The following FAM168B variants were observed in gnomAD, a reference collection of about 807,000 sequenced individuals.
FAM168B encodes the protein myelin-associated neurite-outgrowth inhibitor.
In FAM168B, 19 loss-of-function variants were observed where a neutral mutation model predicts 21.8. The observed-to-expected ratio is 0.87, with a 90% CI of 0.61 to 1.28. FAM168B has a LOEUF of 1.28. Ranked by LOEUF, FAM168B falls within the 50% of genes most tolerant of loss-of-function variation. The probability of loss-of-function intolerance (pLI) is 0.00; values close to 1 mark genes in which losing one functional copy is unlikely to be tolerated. For missense variants in FAM168B, 233 were observed against 263.1 expected (o/e 0.89, Z 0.79); for synonymous variants, 126 against 104.8 (o/e 1.20, Z -1.24).
At chr2:131,059,040 A>C (rs545214030) in intron 3 of FAM168B, among the ~76,000 whole-genome samples, 18 of 152,288 alleles carry the variant, frequency 1.2e-4, no homozygotes, top group African/African-American at 4.3e-4. Flanking sequence ...CAGGGAAGAA[A>C]TGCAAAAAGG....
chr2:131,066,190 G>A (rs1458959844), intron 3 of FAM168B, among the ~76,000 whole-genome samples: 2 of 149,350 alleles, frequency 1.3e-5, no homozygotes, highest in Non-Finnish European at 3.0e-5. Flanking sequence ...AGACTGAGTG[G>A]AGTCTCGCTC....
intron 3 of FAM168B, among the ~76,000 whole-genome samples, chr2:131,057,088 GAGC>G (rs897426672): frequency 3.3e-5 from 5 of 152,162 alleles, no homozygotes; most frequent in Non-Finnish European, 5.9e-5. Flanking sequence ...CCATGGGTGA[GAGC>G]AGGAGGGGTG....
intron 2 of FAM168B, among the ~76,000 whole-genome samples, chr2:131,077,037 A>G (rs1693190159): frequency 6.6e-6 from 1 of 152,040 alleles, no homozygotes; most frequent in South Asian, 2.1e-4. Context: ...CAGCAACCCC[A>G]GCTCTAGGAA....
Position 131,051,057 on chromosome 2 carries a change from TC to T in FAM168B, c.*1407del. Reference sequence around the variant, plus strand: ...TTCAGATCCTAAACTCAAATTCCTCTCCCACAATAAACCCTGCCAGCAAACG... The same window carrying T: ...TTCAGATCCTAAACTCAAATTCCTCTCCACAATAAACCCTGCCAGCAAACG... On this transcript the variant is annotated 3_prime_UTR_variant, in exon 7 of 7. Transcript: ENST00000389915. The T allele has an allele frequency of 1.0e-6, 1 of 985,370 alleles. No individual in the cohort carries two copies. The highest frequency in any genetic ancestry group is 1.2e-6 in the Non-Finnish European group (1 of 829,968). The allele number at this position is 985,370 out of a possible 1,614,324, so 61.0% of individuals were successfully genotyped here. A position where few individuals can be genotyped will look rare whatever the true frequency, so the allele number is the denominator to read the frequency against.
rs1692541344 is a variant in FAM168B at position 131,066,059 on chromosome 2, GC to G, written c.154+5795del. On this transcript the variant is annotated intron_variant, in intron 3 of 6. Coordinates refer to ENST00000389915, the MANE Select transcript of FAM168B (RefSeq NM_001009993.4). ...AGCTTCTAACATACACTACCAAACTGCCCTCCAAAGAAGTTTCTCCAATTTA... is the reference window on the plus strand; with the variant it reads ...AGCTTCTAACATACACTACCAAACTGCCTCCAAAGAAGTTTCTCCAATTTA... Among the ~76,000 whole-genome samples the G allele has an allele frequency of 2.6e-5, 4 of 151,738 alleles. No homozygotes were observed. The South Asian group carries it at 8.3e-4, about 31-fold the overall frequency.
chr2:131,073,031 A>AT (rs1259707369), intron 2 of FAM168B, among the ~76,000 whole-genome samples: 1 of 152,042 alleles, frequency 6.6e-6, no homozygotes, highest in Non-Finnish European at 1.5e-5. Context: ...AAAAGCTATT[A>AT]TTTTTTGTTG....
chr2:131,048,417 C>T lies in FAM168B; in HGVS notation c.*4048G>A, dbSNP rs878860041. The T allele has an allele frequency of 8.0e-7, 1 of 1,244,090 alleles. No homozygotes were observed. The highest frequency in any genetic ancestry group is 1.6e-5 in the African/African-American group (1 of 64,504). The allele number at this position is 1,244,090 out of a possible 1,614,324, so 77.1% of individuals were successfully genotyped here. A position where few individuals can be genotyped will look rare whatever the true frequency, so the allele number is the denominator to read the frequency against. On this transcript the variant is annotated 3_prime_UTR_variant, in exon 7 of 7. Coordinates refer to ENST00000389915, the MANE Select transcript of FAM168B (RefSeq NM_001009993.4). ...CCCTTCTGCAGGCCCGGGGGGGGGT[C>T]CCTACACAGACGCCGCTCATCCTCT...
At chr2:131,080,802 T>G (rs949691270) in intron 2 of FAM168B, among the ~76,000 whole-genome samples, 10 of 151,574 alleles carry the variant, frequency 6.6e-5, no homozygotes, top group Admixed American at 5.9e-4. Flanking sequence ...CCTAAGTAGC[T>G]GGAGATACAG....
chr2:131,089,541 G>C (rs1405577924), intron 1 of FAM168B, among the ~76,000 whole-genome samples: 1 of 149,102 alleles, frequency 6.7e-6, no homozygotes, highest in Non-Finnish European at 1.5e-5. Context: ...GACCATCCTG[G>C]CTAACACGGT....
At chr2:131,091,158 A>C (rs1693999588) in intron 1 of FAM168B, among the ~76,000 whole-genome samples, 1 of 152,104 alleles carries the variant, frequency 6.6e-6, no homozygotes, top group Non-Finnish European at 1.5e-5. Flanking sequence ...ACATAGTGAG[A>C]TGAGACCCCA....
chr2:131,056,355 G>A (rs1037433139), intron 3 of FAM168B, among the ~76,000 whole-genome samples: 3 of 152,222 alleles, frequency 2.0e-5, no homozygotes, highest in Admixed American at 6.5e-5. Flanking sequence ...AGAGAAGACA[G>A]CATGTTGAAG....
chr2:131,054,654 G>A (rs1046738873), intron 5 of FAM168B, among the ~76,000 whole-genome samples: 4 of 152,184 alleles, frequency 2.6e-5, no homozygotes, highest in Non-Finnish European at 5.9e-5. Context: ...AATCCACATG[G>A]GTGGTCATAC....
chr2:131,072,749 G>A lies in FAM168B; in HGVS notation c.71-811C>T, dbSNP rs111688902. ...TGGGATTACAGGCATAAGCCACCGC[G>A]CCAAGCCTCAATTATAACATTTCTG... On this transcript the variant is annotated intron_variant, in intron 2 of 6. Transcript: ENST00000389915. 7.9e-3 allele frequency among the ~76,000 whole-genome samples: 1,198 copies of A among 152,246 alleles called. 16 individuals are homozygous for A. The highest frequency in any genetic ancestry group is 0.028 in the African/African-American group (1,150 of 41,532).
intron 1 of FAM168B, among the ~76,000 whole-genome samples, chr2:131,088,560 G>A (rs1384799953): frequency 6.6e-6 from 1 of 152,144 alleles, no homozygotes; most frequent in Admixed American, 6.6e-5. Context: ...GGACACGACT[G>A]AATACTGGGT....
intron 3 of FAM168B, among the ~76,000 whole-genome samples, chr2:131,059,645 G>T (rs1692195029): frequency 6.6e-6 from 1 of 152,198 alleles, no homozygotes; most frequent in Admixed American, 6.5e-5. Flanking sequence ...GAGAACAGAT[G>T]CTAGACTTCA....
Position 131,048,516 on chromosome 2 carries a change from T to C in FAM168B, c.*3949A>G, listed in dbSNP as rs1691435950. On this transcript the variant is annotated 3_prime_UTR_variant, in exon 7 of 7. Transcript: ENST00000389915. ...GGCTATCCCCACAGGCTCTCTCTTC[T>C]TCAAATAATGAGTAGGAAAAAGAGA... 1 of 1,108,048 alleles carries C rather than the reference T, an allele frequency of 9.0e-7. No homozygotes were observed. The highest frequency in any genetic ancestry group is 1.1e-6 in the Non-Finnish European group (1 of 890,310). The allele number at this position is 1,108,048 out of a possible 1,614,324, so 68.6% of individuals were successfully genotyped here. A position where few individuals can be genotyped will look rare whatever the true frequency, so the allele number is the denominator to read the frequency against.
chr2:131,061,672 C>G (rs941916813), intron 3 of FAM168B, among the ~76,000 whole-genome samples: 1 of 151,956 alleles, frequency 6.6e-6, no homozygotes, highest in Non-Finnish European at 1.5e-5. Context: ...GTCCCAGCCA[C>G]TCGGGAAGCT....
rs1051116670 is a variant in FAM168B, at chr2:131,057,497, C to T, written c.155-1802G>A. ...ATCAGAGGGGAGAGGGCGAAGAAAGCGTTCTGGGATGATCAAAGTATTCCA... is the reference window on the plus strand; with the variant it reads ...ATCAGAGGGGAGAGGGCGAAGAAAGTGTTCTGGGATGATCAAAGTATTCCA... On this transcript the variant is annotated intron_variant, in intron 3 of 6. Transcript: ENST00000389915. 2.0e-5 allele frequency among the ~76,000 whole-genome samples: 3 copies of T among 152,132 alleles called. No homozygotes were observed. In the South Asian group the frequency reaches 6.2e-4, roughly 31 times the overall value.
At chr2:131,082,363 G>A (rs980063648) in intron 2 of FAM168B, among the ~76,000 whole-genome samples, 32 of 152,152 alleles carry the variant, frequency 2.1e-4, no homozygotes, top group African/African-American at 7.7e-4. Context: ...GAGACCAGGA[G>A]GTAGAGAAAC....
Sources: allele counts gnomAD v4.1 joint callset (sites outside exome capture counted in the v4.1 genomes callset), GRCh38; gene constraint gnomAD v4.1.1; transcripts MANE v1.5; gene names NCBI Gene and HGNC (gene_info 2026-07-23, HGNC 2026-07-21).